The following CSTPP1 variants were observed in gnomAD, a reference collection of about 807,000 sequenced individuals.
The protein encoded by CSTPP1 is UPF0705 protein C11orf49.
At chr11:47,070,420 C>A in the CSTPP1 span, among the ~76,000 whole-genome samples, 1 of 152,172 alleles carries the variant, frequency 6.6e-6, no homozygotes, top group African/African-American at 2.4e-5. Flanking sequence ...TAATTAGACA[C>A]CTTGGGGAGG....
the CSTPP1 span, among the ~76,000 whole-genome samples, chr11:47,111,056 AT>A: frequency 6.6e-6 from 1 of 151,718 alleles, no homozygotes; most frequent in Non-Finnish European, 1.5e-5. Flanking sequence ...CTCCTGGCTA[AT>A]TTTTTTGTAT....
chr11:47,159,304 G>A, the CSTPP1 span, among the ~76,000 whole-genome samples: 1 of 152,126 alleles, frequency 6.6e-6, no homozygotes, highest in African/African-American at 2.4e-5. Context: ...AAGGTCAGGA[G>A]TTCAAGACCA....
the CSTPP1 span, among the ~76,000 whole-genome samples, chr11:47,156,131 T>C: frequency 6.6e-6 from 1 of 152,242 alleles, no homozygotes; most frequent in South Asian, 2.1e-4. Context: ...CGCCACATTC[T>C]GTTTACTTGA....
chr11:46,957,264 G>T, the CSTPP1 span, among the ~76,000 whole-genome samples: 4 of 152,010 alleles, frequency 2.6e-5, no homozygotes, highest in Non-Finnish European at 4.4e-5. Context: ...TCCTTACATG[G>T]ATATTACTTG....
the CSTPP1 span, among the ~76,000 whole-genome samples, chr11:46,939,940 G>A: frequency 6.6e-6 from 1 of 151,830 alleles, no homozygotes; most frequent in Non-Finnish European, 1.5e-5. Flanking sequence ...GCACCATCTC[G>A]GCTCACTGCA....
the CSTPP1 span, among the ~76,000 whole-genome samples, chr11:46,966,881 A>G: frequency 6.6e-6 from 1 of 152,148 alleles, no homozygotes; most frequent in Non-Finnish European, 1.5e-5. Flanking sequence ...GGTGGCTTAA[A>G]CAACTGTTTT....
the CSTPP1 span, among the ~76,000 whole-genome samples, chr11:47,039,487 G>T: frequency 7.9e-6 from 1 of 126,656 alleles, no homozygotes; most frequent in Non-Finnish European, 1.9e-5. Flanking sequence ...CGTGGGGAGA[G>T]GGAGAGGGAG....
the CSTPP1 span, among the ~76,000 whole-genome samples, chr11:47,126,611 T>C: frequency 3.2e-4 from 44 of 138,120 alleles, no homozygotes; most frequent in East Asian, 6.5e-4. Context: ...CCAGCCTGGG[T>C]AACAGAGCGA....
chr11:47,036,255 A>ATATAATATATTATAT, the CSTPP1 span, among the ~76,000 whole-genome samples: 1 of 48,558 alleles, frequency 2.1e-5, no homozygotes, highest in African/African-American at 7.0e-5. Flanking sequence ...TATATTATAT[A>ATATAATATATTATAT]TTATATAATA....
the CSTPP1 span, chr11:47,137,608 C>T: frequency 2.0e-4 from 324 of 1,613,738 alleles, no homozygotes; most frequent in Non-Finnish European, 2.5e-4. Flanking sequence ...ACTTGAAATG[C>T]AGAGACCTAA....
chr11:47,137,756 A>G, the CSTPP1 span: 2 of 1,604,654 alleles, frequency 1.2e-6, no homozygotes, highest in South Asian at 1.1e-5. Context: ...CTTGAAACCA[A>G]CTCAGCTCTC....
At chr11:47,017,574 A>G in the CSTPP1 span, among the ~76,000 whole-genome samples, 21 of 152,012 alleles carry the variant, frequency 1.4e-4, no homozygotes, top group Non-Finnish European at 1.3e-4. Flanking sequence ...CTGTCTCCCA[A>G]CGCAAACCCC....
the CSTPP1 span, among the ~76,000 whole-genome samples, chr11:46,946,841 T>C: frequency 6.6e-6 from 1 of 152,334 alleles, no homozygotes; most frequent in South Asian, 2.1e-4. Context: ...GCAGGCCTTT[T>C]CTCTCTAAAA....
At chr11:46,944,740 G>T in the CSTPP1 span, among the ~76,000 whole-genome samples, 1 of 152,140 alleles carries the variant, frequency 6.6e-6, no homozygotes, top group Non-Finnish European at 1.5e-5. Flanking sequence ...CTAAAGGAGG[G>T]ATAATAAATT....
the CSTPP1 span, among the ~76,000 whole-genome samples, chr11:47,090,832 G>A: frequency 2.0e-5 from 3 of 151,998 alleles, no homozygotes; most frequent in Non-Finnish European, 4.4e-5. Context: ...AAGGTCAGGA[G>A]ATCGAGACCA....
the CSTPP1 span, among the ~76,000 whole-genome samples, chr11:47,067,912 G>A: frequency 6.6e-6 from 1 of 152,152 alleles, no homozygotes; most frequent in East Asian, 1.9e-4. Flanking sequence ...TGTGAGTATG[G>A]CCGTGTTGTG....
chr11:47,157,365 A>T, the CSTPP1 span: 1 of 929,810 alleles, frequency 1.1e-6, no homozygotes, highest in Non-Finnish European at 1.5e-6. Context: ...TTTGCCCCCA[A>T]ACCAGTTGTT....
chr11:47,134,374 A>T, the CSTPP1 span, among the ~76,000 whole-genome samples: 1 of 152,044 alleles, frequency 6.6e-6, no homozygotes, highest in Non-Finnish European at 1.5e-5. Flanking sequence ...TATTTTTAGT[A>T]AAGATGGGTT....
chr11:47,018,448 C>G, the CSTPP1 span, among the ~76,000 whole-genome samples: 2 of 152,086 alleles, frequency 1.3e-5, no homozygotes, highest in Admixed American at 1.3e-4. Flanking sequence ...GCACCTGCCA[C>G]TGCGCCTGGC....
Sources: gnomAD v4.1 joint callset for allele counts (sites outside exome capture counted in the v4.1 genomes callset) on GRCh38, gnomAD v4.1.1 for gene constraint, MANE v1.5 for transcripts, NCBI Gene and HGNC (gene_info 2026-07-23, HGNC 2026-07-21) for gene names.